The following ZAN variants were observed in gnomAD, a reference collection of about 807,000 sequenced individuals.
ZAN encodes zonadhesin, also known as zonadhesin (gene/pseudogene).
In ZAN, 260 loss-of-function variants were observed where a neutral mutation model predicts 286.2. The observed-to-expected ratio is 0.91, with a 90% confidence interval of 0.82 to 1.01. ZAN has a LOEUF of 1.01. ZAN is among the 50% of genes least tolerant of loss of function. The probability of loss-of-function intolerance (pLI) is 0.00; values close to 1 mark genes in which losing one functional copy is unlikely to be tolerated. For synonymous variants in ZAN, 1,368 were observed against 1,417.5 expected (o/e 0.97, Z 0.79); for missense variants, 3,410 against 3,639.2 (o/e 0.94, Z 1.62).
intron 37 of ZAN, 39 bp from the exon 38 acceptor site, chr7:100,787,850 C>A: frequency 6.8e-7 from 1 of 1,464,048 alleles, no homozygotes; most frequent in East Asian, 2.4e-5. Context: ...GCGTGAGCCA[C>A]TGCGCCCGGC....
At chr7:100,770,687 C>T (rs1810313715) in intron 28 of ZAN, among the ~76,000 whole-genome samples, 1 of 151,486 alleles carries the variant, frequency 6.6e-6, no homozygotes, top group African/African-American at 2.4e-5. Context: ...CAAGGTCTCA[C>T]TCTGTTGCCC....
chr7:100,792,463 T>A lies in ZAN; in HGVS notation c.7771T>A (p.Cys2591Ser). The change falls in exon 42 of 48, where the codon TGC (cysteine) becomes AGC (serine). Residue 2591 changes from cysteine to serine, a missense_variant. This residue lies in a region of ZAN where 1,289 missense variants were observed against 1,314.3 expected (regional missense o/e 0.98). Coordinates refer to ENST00000613979, the MANE Select transcript of ZAN (RefSeq NM_003386.3). ...CCCAAGAGAGCAAGAGGAGCTGCGT[T>A]GCCAGGTCCTCAGTGGGTACGCCAT... ...QDPREQEELRCQVLSGHGVSS... is the reference protein window; with the variant it reads ...QDPREQEELRSQVLSGHGVSS... The A allele has an allele frequency of 6.2e-7, 1 of 1,613,892 alleles. No homozygotes were observed. The highest frequency in any genetic ancestry group is 8.5e-7 in the Non-Finnish European group (1 of 1,179,870).
rs1584609961 is a variant in ZAN, at chr7:100,775,717, G to T, written c.6076G>T (p.Val2026Phe). 6.2e-7 allele frequency: 1 copy of T among 1,613,834 alleles called. No individual in the cohort carries two copies. The highest frequency in any genetic ancestry group is 8.5e-7 in the Non-Finnish European group (1 of 1,179,840). The change falls in exon 33 of 48, where the codon GTC (valine) becomes TTC (phenylalanine). Residue 2026 changes from valine (V) to phenylalanine (F), a missense_variant. This residue lies in a region of ZAN where 1,289 missense variants were observed against 1,314.3 expected (regional missense o/e 0.98). Coordinates refer to ENST00000613979, the MANE Select transcript of ZAN (RefSeq NM_003386.3). ...TLPAISQIPGVSVKSSSIYSI... is the reference protein window; with the variant it reads ...TLPAISQIPGFSVKSSSIYSI... ...CCCCGCCATCTCCCAGATCCCTGGG[G>T]TCAGTGTCAAGTCCAGCAGCATCTA... is the stretch of plus-strand genomic sequence containing the variant.
intron 28 of ZAN, among the ~76,000 whole-genome samples, chr7:100,770,297 G>A (rs1430601544): frequency 1.3e-5 from 2 of 151,814 alleles, no homozygotes; most frequent in Admixed American, 6.6e-5. Context: ...GAGGTCAGGA[G>A]TTCGAGACCA....
At chr7:100,792,569 C>A in intron 42 of ZAN, 90 bp downstream of exon 42, 1 of 1,574,644 alleles carries the variant, frequency 6.4e-7, no homozygotes, top group Non-Finnish European at 8.6e-7. Flanking sequence ...CTCCCTGTGC[C>A]GACCCTGACC....
chr7:100,764,771 G>T (rs1322743553), intron 22 of ZAN, among the ~76,000 whole-genome samples: 1 of 147,348 alleles, frequency 6.8e-6, no homozygotes, highest in East Asian at 2.1e-4. Context: ...CCAGCTACTT[G>T]GGAGGCTGAG....
In ZAN at chr7:100,750,210, C is replaced by G. The variant is rs553617266; in HGVS notation, c.1250-415C>G. Among the ~76,000 whole-genome samples the G allele has an allele frequency of 2.0e-5, 3 of 151,804 alleles. No homozygotes were observed. The East Asian group carries it at 5.9e-4, about 30-fold the overall frequency. ...GGAGTGCAGTGACGTGATCTTGGCT[C>G]ACTGCAACCTCCACCTCCGGAGTTC... On this transcript the variant is annotated intron_variant, in intron 11 of 47. Coordinates refer to ENST00000613979, the MANE Select transcript of ZAN (RefSeq NM_003386.3).
intron 15 of ZAN, among the ~76,000 whole-genome samples, chr7:100,757,875 C>T (rs188580098): frequency 6.1e-4 from 90 of 147,032 alleles, no homozygotes; most frequent in African/African-American, 2.1e-3. Flanking sequence ...AGGAATTCAA[C>T]ACCAGCCTAG....
At chr7:100,777,485 G>A (rs1196808330) in intron 34 of ZAN, among the ~76,000 whole-genome samples, 3 of 152,136 alleles carry the variant, frequency 2.0e-5, no homozygotes, top group Non-Finnish European at 4.4e-5. Flanking sequence ...CTCCCGAGTA[G>A]CTGGGATTAC....
chr7:100,794,429 C>T (rs1246961634), intron 44 of ZAN, among the ~76,000 whole-genome samples, 171 bp downstream of exon 44: 2 of 152,208 alleles, frequency 1.3e-5, no homozygotes, highest in African/African-American at 2.4e-5. Flanking sequence ...CCTAAGCATC[C>T]ATGACCTACC....
intron 38 of ZAN, among the ~76,000 whole-genome samples, chr7:100,788,818 C>A (rs1811746138): frequency 6.6e-6 from 1 of 152,142 alleles, no homozygotes; most frequent in Non-Finnish European, 1.5e-5. Context: ...CCTGCCTCAA[C>A]CTCCCTAGTA....
chr7:100,755,264 T>G lies in ZAN; in HGVS notation c.3163T>G (p.Cys1055Gly). ...AAATGCCCGCTACGAATCCTGTGCT[T>G]GTCCTGCTTCGTGCAAGAGCCCCAG... ...PPNARYESCA[C>G]PASCKSPRPS... Residue 1055 changes from cysteine to glycine, a missense_variant, in exon 15 of 48, where the codon TGT (cysteine) becomes GGT (glycine). Cys to Gly is a radical substitution (Grantham distance 159, BLOSUM62 -3). This residue lies in a region of ZAN where 1,042 missense variants were observed against 1,058.0 expected (regional missense o/e 0.98). Transcript: ENST00000613979. The G allele has an allele frequency of 6.2e-7, 1 of 1,613,826 alleles. No homozygotes were observed. The highest frequency in any genetic ancestry group is 8.5e-7 in the Non-Finnish European group (1 of 1,179,844).
chr7:100,756,871 C>A (rs1156246394), intron 15 of ZAN, among the ~76,000 whole-genome samples: 1 of 152,146 alleles, frequency 6.6e-6, no homozygotes. Flanking sequence ...CAGGTTCAAG[C>A]GATTCTCCTG....
chr7:100,786,301 T>C (rs886251199), intron 37 of ZAN, among the ~76,000 whole-genome samples, 160 bp downstream of exon 37: 9 of 152,194 alleles, frequency 5.9e-5, no homozygotes, highest in African/African-American at 2.2e-4. Flanking sequence ...GTTTAGCTCT[T>C]GCTAACTCTG....
At chr7:100,733,701 CCT>C (rs1807104164) in intron 1 of ZAN, 53 bp downstream of exon 1, 1 of 143,682 alleles carries the variant, frequency 7.0e-6, no homozygotes, top group Non-Finnish European at 1.6e-5. Context: ...TCTCTTCACC[CCT>C]GATAGTCTGA....
chr7:100,780,385 C>T lies in ZAN; in HGVS notation c.6622+635C>T, dbSNP rs183384765. 3.1e-3 allele frequency among the ~76,000 whole-genome samples: 477 copies of T among 151,618 alleles called. 2 individuals carry two copies. The highest frequency in any genetic ancestry group is 5.6e-3 in the Non-Finnish European group (382 of 67,908). ...AATACTTTTAAAGTATTAAAAGATA[C>T]CCAGTAGGTTGGGTGTGATGGCTCA... On this transcript the variant is annotated intron_variant, in intron 35 of 47. Coordinates refer to ENST00000613979, the MANE Select transcript of ZAN (RefSeq NM_003386.3).
At chr7:100,773,177 T>C (rs489951) in intron 29 of ZAN, 108 bp from the exon 30 acceptor site, 422,231 of 1,248,904 alleles carry the variant, frequency 0.34, 74,304 homozygotes, top group Non-Finnish European at 0.36. Flanking sequence ...GTGCTGGGAT[T>C]ACATGTGCGA....
At chr7:100,789,599 C>G (rs1811803617) in intron 39 of ZAN, among the ~76,000 whole-genome samples, 2 of 152,094 alleles carry the variant, frequency 1.3e-5, no homozygotes, top group South Asian at 4.1e-4. Flanking sequence ...CGCTTGAGGT[C>G]AGAAGCTCAA....
Position 100,750,890 on chromosome 7 carries a change from C to T in ZAN, c.1515C>T (p.Pro505=). The T allele has an allele frequency of 6.5e-7, 1 of 1,542,230 alleles. No homozygotes were observed. The highest frequency in any genetic ancestry group is 8.7e-7 in the Non-Finnish European group (1 of 1,142,938). Residue 505 remains proline (P), a synonymous_variant, in exon 12 of 48, where the codon CCC becomes CCT. Transcript: ENST00000613979. The stretch of plus-strand genomic sequence containing the variant: ...CCGTCCCCTCAGGACACCAACAGCC[C>T]ATGCAGGTGAGAGACGGAGGCGGGG... The part of the protein sequence containing the change: ...SVTVPSGHQQ[P]MQLIFKGIQG...
Sources: gnomAD v4.1 joint callset for allele counts (sites outside exome capture counted in the v4.1 genomes callset) on GRCh38, gnomAD v4.1.1 for gene constraint, gnomAD v4.1.1 regional missense constraint, MANE v1.5 for transcripts, NCBI Gene and HGNC (gene_info 2026-07-23, HGNC 2026-07-21) for gene names.